The following LIPG variants were observed in gnomAD, a reference collection of about 807,000 sequenced individuals.
The protein encoded by LIPG is endothelial lipase.
A neutral mutation model predicts 51.8 loss-of-function variants in LIPG; 34 were observed. The observed-to-expected ratio is 0.66, with a 90% CI of 0.50 to 0.87. LIPG has a LOEUF of 0.87. LIPG is among the 40% of genes least tolerant of loss of function. The probability of loss-of-function intolerance (pLI) is 0.00; values close to 1 mark genes in which losing one functional copy is unlikely to be tolerated. For synonymous variants in LIPG, 246 were observed against 246.1 expected, an observed-to-expected ratio of 1.00 and a Z score of 0.00; for missense variants, 580 against 652.7, an observed-to-expected ratio of 0.89 and a Z score of 1.21.
At chr18:49,588,203 TAAAG>T (rs2084903901) in intron 9 of LIPG, among the ~76,000 whole-genome samples, 1 of 151,796 alleles carries the variant, frequency 6.6e-6, no homozygotes, top group African/African-American at 2.4e-5. Flanking sequence ...GGGTGGGAGA[TAAAG>T]AGAAGCACAA....
At position 49,597,469 on chromosome 18, in the gene LIPG, A is replaced by G. The variant is rs1850685002; in HGVS notation, c.*6947A>G. On this transcript the variant is annotated 3_prime_UTR_variant, in exon 10 of 10. Coordinates refer to ENST00000261292, the MANE Select transcript of LIPG (RefSeq NM_006033.4). The stretch of plus-strand genomic sequence containing the variant: ...CCTAAAAAAGACTAATATGTAAATA[A>G]AAGGAATAAGAATCAAACAAATATA... 1.3e-5 allele frequency: 2 copies of G among 152,358 alleles called. No homozygotes were observed. Among genetic ancestry groups the G allele is most frequent in the African/African-American group, 2.4e-5 (1 of 41,574 alleles). 9.4% of individuals were successfully genotyped at this position (152,358 alleles called of 1,614,324 possible). A position where few individuals can be genotyped will look rare whatever the true frequency, so the allele number is the denominator to read the frequency against.
In LIPG at chr18:49,590,681, C is replaced by G. The variant is rs2084933199; in HGVS notation, c.*159C>G. The stretch of plus-strand genomic sequence containing the variant: ...CTGGTCTCCTGTGATGGCTGGGACT[C>G]CTCGCGGGAGGGGACTGCGCTGCTA... On this transcript the variant is annotated 3_prime_UTR_variant, in exon 10 of 10. Coordinates refer to ENST00000261292, the MANE Select transcript of LIPG (RefSeq NM_006033.4). The G allele has an allele frequency of 3.9e-6, 3 of 769,192 alleles. No individual in the cohort carries two copies. Among genetic ancestry groups the G allele is most frequent in the African/African-American group, 1.7e-5 (1 of 58,322 alleles). 47.6% of individuals were successfully genotyped at this position (769,192 alleles called of 1,614,324 possible).
chr18:49,577,066 G>A (rs1284734061), intron 5 of LIPG, among the ~76,000 whole-genome samples: 1 of 148,290 alleles, frequency 6.7e-6, no homozygotes, highest in African/African-American at 2.5e-5. Flanking sequence ...TTCTCACAGA[G>A]GGGGATTTGG....
intron 2 of LIPG, among the ~76,000 whole-genome samples, chr18:49,566,270 T>A (rs918221361): frequency 7.9e-5 from 12 of 152,228 alleles, no homozygotes; most frequent in African/African-American, 2.9e-4. Flanking sequence ...CCTGCCTACC[T>A]AGTTGAATGA....
intron 5 of LIPG, 131 bp downstream of exon 5, chr18:49,575,721 CT>C: frequency 1.3e-6 from 1 of 775,130 alleles, no homozygotes; most frequent in Non-Finnish European, 2.2e-6. Context: ...GCCTCCAATG[CT>C]GTATTTAATA....
At chr18:49,586,703 C>A in intron 8 of LIPG, 43 bp from the exon 9 acceptor site, 1 of 1,390,474 alleles carries the variant, frequency 7.2e-7, no homozygotes, top group South Asian at 1.2e-5. Context: ...GCTGGATTCC[C>A]CCTAAAGTTC....
At chr18:49,579,777 T>C (rs1264364704) in intron 5 of LIPG, among the ~76,000 whole-genome samples, 1 of 70,268 alleles carries the variant, frequency 1.4e-5, no homozygotes, top group Non-Finnish European at 3.1e-5. Context: ...TCTTTTCTTT[T>C]CTTTTCTTTT....
intron 4 of LIPG, among the ~76,000 whole-genome samples, chr18:49,571,544 T>C (rs1458833107): frequency 6.6e-6 from 1 of 152,182 alleles, no homozygotes; most frequent in Non-Finnish European, 1.5e-5. Context: ...CCCTTCCCTC[T>C]GGCCTTTCTC....
rs993216289 is a variant in LIPG, at chr18:49,592,909, T to A, written c.*2387T>A. On this transcript the variant is annotated 3_prime_UTR_variant, in exon 10 of 10. Transcript: ENST00000261292. ...TAATAAAAAATTATAAAGTTCTTAATGGTCTGACAACTCAATTTTTTTTTT... is the reference window on the plus strand; with the variant it reads ...TAATAAAAAATTATAAAGTTCTTAAAGGTCTGACAACTCAATTTTTTTTTT... 7.2e-4 allele frequency: 109 copies of A among 150,644 alleles called. No individual in the cohort carries two copies. Among genetic ancestry groups the A allele is most frequent in the African/African-American group, 2.3e-3 (93 of 41,178 alleles). 9.3% of individuals were successfully genotyped at this position (150,644 alleles called of 1,614,324 possible).
chr18:49,586,262 C>T (rs1035116270), intron 8 of LIPG, among the ~76,000 whole-genome samples: 9 of 152,152 alleles, frequency 5.9e-5, no homozygotes, highest in African/African-American at 2.2e-4. Flanking sequence ...TTCAAGTTTA[C>T]GGAGAAGTCA....
intron 4 of LIPG, 95 bp from the exon 5 acceptor site, chr18:49,575,274 C>A: frequency 1.0e-6 from 1 of 958,386 alleles, no homozygotes; most frequent in Non-Finnish European, 1.6e-6. Flanking sequence ...CAGAAGTCAT[C>A]TTCATTCTGC....
chr18:49,567,992 T>C (rs557090410), intron 3 of LIPG, among the ~76,000 whole-genome samples: 7 of 144,416 alleles, frequency 4.8e-5, no homozygotes, highest in Non-Finnish European at 1.6e-5. Context: ...AGCATGGCTG[T>C]GCTGAGGGTG....
intron 9 of LIPG, chr18:49,589,469 C>T (rs1326589637): frequency 6.6e-6 from 1 of 152,236 alleles, no homozygotes; most frequent in Non-Finnish European, 1.5e-5. Flanking sequence ...GAAGGCTATT[C>T]TTTTTTTATT....
At chr18:49,577,982 C>A (rs1162980811) in intron 5 of LIPG, among the ~76,000 whole-genome samples, 165 of 135,830 alleles carry the variant, frequency 1.2e-3, no homozygotes, top group African/African-American at 4.5e-3. Flanking sequence ...CTGACCCCCC[C>A]ACCTCCCTCC....
At chr18:49,572,117 C>A (rs182632390) in intron 4 of LIPG, among the ~76,000 whole-genome samples, 8 of 152,020 alleles carry the variant, frequency 5.3e-5, no homozygotes, top group Non-Finnish European at 4.4e-5. Flanking sequence ...GTCAGGAGTT[C>A]AAGACCAGCC....
At chr18:49,579,801 T>TAC (rs1245053366) in intron 5 of LIPG, among the ~76,000 whole-genome samples, 1 of 147,256 alleles carries the variant, frequency 6.8e-6, no homozygotes, top group African/African-American at 2.6e-5. Context: ...TTCTTTTCTT[T>TAC]TCTTTTCTTT....
At chr18:49,584,105 C>T (rs758630882) in intron 8 of LIPG, among the ~76,000 whole-genome samples, 1 of 152,038 alleles carries the variant, frequency 6.6e-6, no homozygotes, top group Admixed American at 6.6e-5. Flanking sequence ...GCTGCCTTGT[C>T]GATGTGTTTA....
chr18:49,577,553 G>C (rs2084733122), intron 5 of LIPG, among the ~76,000 whole-genome samples: 1 of 147,590 alleles, frequency 6.8e-6, no homozygotes, highest in Non-Finnish European at 1.5e-5. Context: ...AGACGGGGTG[G>C]TGGCCGGGCA....
Position 49,565,392 on chromosome 18 carries a change from A to T in LIPG, c.173A>T (p.Asp58Val). The change falls in exon 2 of 10, where the codon GAC becomes GTC. Residue 58 changes from aspartate (D) to valine (V), a missense_variant. Asp to Val is a radical substitution (Grantham distance 152). Transcript: ENST00000261292. ...AGGTTTAACCTCCGCACCTCCAAGGACCCAGAGCATGAAGGATGCTACCTC... is the reference window on the plus strand; with the variant it reads ...AGGTTTAACCTCCGCACCTCCAAGGTCCCAGAGCATGAAGGATGCTACCTC... ...SVRFNLRTSK[D>V]PEHEGCYLSV... 6.2e-7 allele frequency: 1 copy of T among 1,614,170 alleles called. No homozygotes were observed. The highest frequency in any genetic ancestry group is 8.5e-7 in the Non-Finnish European group (1 of 1,180,012).
Sources: gnomAD v4.1 joint callset for allele counts (sites outside exome capture counted in the v4.1 genomes callset) on GRCh38, gnomAD v4.1.1 for gene constraint, MANE v1.5 for transcripts, NCBI Gene and HGNC (gene_info 2026-07-23, HGNC 2026-07-21) for gene names.